FBXL13: variants seen among roughly 807,000 people sequenced by gnomAD.
FBXL13 encodes F-box and leucine rich repeat protein 13, also known as F-box and leucine-rich repeat protein 13.
FBXL13 carries 67 observed loss-of-function variants against 83.6 expected under a neutral mutation model. The observed-to-expected ratio is 0.80, with a 90% CI of 0.66 to 0.98. The LOEUF is 0.98. Among genes scored for constraint, FBXL13 ranks in the 50% least tolerant of loss-of-function variants. FBXL13 has a pLI of 0.00. For synonymous variants in FBXL13, 272 were observed against 299.5 expected, an observed-to-expected ratio of 0.91 and a Z score of 0.95; for missense variants, 822 against 866.5, an observed-to-expected ratio of 0.95 and a Z score of 0.64.
At chr7:102,823,571 T>C (rs1215374031) in intron 18 of FBXL13, among the ~76,000 whole-genome samples, 1 of 152,234 alleles carries the variant, frequency 6.6e-6, no homozygotes, top group East Asian at 1.9e-4. Context: ...GTATACTACT[T>C]AGAGTATTTC....
intron 17 of FBXL13, among the ~76,000 whole-genome samples, chr7:102,839,799 G>A (rs1403084269): frequency 6.6e-6 from 1 of 151,928 alleles, no homozygotes; most frequent in African/African-American, 2.4e-5. Flanking sequence ...AATGTACTTT[G>A]TAAATTATAT....
chr7:102,839,492 G>A (rs568119485), intron 17 of FBXL13, among the ~76,000 whole-genome samples: 2 of 152,224 alleles, frequency 1.3e-5, no homozygotes, highest in African/African-American at 4.8e-5. Context: ...GGTGTGGAGG[G>A]GCTGGCCCCC....
intron 1 of FBXL13, among the ~76,000 whole-genome samples, chr7:103,066,396 CTT>C (rs769413596): frequency 7.0e-5 from 10 of 143,556 alleles, no homozygotes; most frequent in Non-Finnish European, 7.7e-5. Flanking sequence ...AATGTAATTT[CTT>C]TTTTTTTTTT....
intron 6 of FBXL13, among the ~76,000 whole-genome samples, chr7:103,016,071 A>C (rs1294496030): frequency 3.3e-5 from 5 of 152,202 alleles, no homozygotes; most frequent in African/African-American, 9.7e-5. Flanking sequence ...ATATTGTTAA[A>C]ATGGCCATAC....
At chr7:102,974,752 C>T (rs1039793950) in intron 6 of FBXL13, among the ~76,000 whole-genome samples, 1 of 152,056 alleles carries the variant, frequency 6.6e-6, no homozygotes, top group East Asian at 1.9e-4. Context: ...TTCCTCTCAG[C>T]CCCTGCCTCT....
rs142073273 is a variant in FBXL13 at position 103,033,506 on chromosome 7, C to T, written c.1-4088G>A. 4.1e-4 allele frequency among the ~76,000 whole-genome samples: 63 copies of T among 152,244 alleles called. 1 individual carries two copies. Among genetic ancestry groups the T allele is most frequent in the African/African-American group, 1.3e-3 (55 of 41,548 alleles). ...GTTCCTTCTGATGTTCGGATGTGTT[C>T]GGAGTTTCTTCCTTCTGGTGGATTC... is the stretch of plus-strand genomic sequence containing the variant. On this transcript the variant is annotated intron_variant, in intron 2 of 19. Transcript: ENST00000313221.
Position 102,876,475 on chromosome 7 carries a change from C to A in FBXL13, c.1635+992G>T, listed in dbSNP as rs574103683. Among the ~76,000 whole-genome samples, 4 of 152,208 alleles carry A rather than the reference C, an allele frequency of 2.6e-5. No homozygotes were observed. The East Asian group carries it at 5.8e-4, about 22-fold the overall frequency. On this transcript the variant is annotated intron_variant, in intron 16 of 19. Transcript: ENST00000313221. ...GCAGAAAGGAGGCTGAATCCAAGTT[C>A]ATTCATAGATAAAGAAAGGAAAGAA...
At chr7:102,938,858 G>T (rs997863150) in intron 8 of FBXL13, among the ~76,000 whole-genome samples, 3 of 152,092 alleles carry the variant, frequency 2.0e-5, no homozygotes, top group African/African-American at 7.2e-5. Context: ...GCATTTCCTG[G>T]TATTACTTGT....
chr7:103,063,104 A>G (rs895725141), intron 1 of FBXL13, among the ~76,000 whole-genome samples: 1 of 152,202 alleles, frequency 6.6e-6, no homozygotes, highest in Non-Finnish European at 1.5e-5. Flanking sequence ...AAGAGCCCAC[A>G]AAGACTTTTG....
At chr7:102,947,618 C>T (rs1270094016) in intron 8 of FBXL13, among the ~76,000 whole-genome samples, 1 of 152,136 alleles carries the variant, frequency 6.6e-6, no homozygotes, top group Non-Finnish European at 1.5e-5. Context: ...CAATTTCTTA[C>T]TTTATAGTTA....
At chr7:102,968,210 C>T (rs762773749) in intron 6 of FBXL13, 93 bp from the exon 8 acceptor site, 59 of 726,724 alleles carry the variant, frequency 8.1e-5, no homozygotes, top group East Asian at 3.4e-4. Context: ...CACACATGTG[C>T]GTGCACACAC....
At chr7:102,916,007 G>C (rs973196484) in intron 10 of FBXL13, among the ~76,000 whole-genome samples, 5 of 149,806 alleles carry the variant, frequency 3.3e-5, no homozygotes, top group African/African-American at 4.9e-5. Flanking sequence ...TGTTTGAGAC[G>C]GAGTCTCACT....
intron 1 of FBXL13, 25 bp from the exon 2 acceptor site, chr7:103,055,772 T>C: frequency 9.5e-7 from 1 of 1,054,946 alleles, no homozygotes; most frequent in Non-Finnish European, 1.3e-6. Flanking sequence ...GGAAATGGCA[T>C]CAATGTTTCT....
At chr7:103,016,020 C>T (rs958082617) in intron 6 of FBXL13, among the ~76,000 whole-genome samples, 1 of 151,980 alleles carries the variant, frequency 6.6e-6, no homozygotes, top group Non-Finnish European at 1.5e-5. Context: ...ATGACACAAA[C>T]AAATGGATAA....
chr7:102,994,506 C>T (rs1278172777), intron 6 of FBXL13, among the ~76,000 whole-genome samples: 1 of 151,566 alleles, frequency 6.6e-6, no homozygotes, highest in Non-Finnish European at 1.5e-5. Flanking sequence ...TTGTAGTTGT[C>T]TGACTTTGGG....
chr7:102,902,904 T>C (rs532671194), intron 11 of FBXL13, among the ~76,000 whole-genome samples: 6 of 152,204 alleles, frequency 3.9e-5, no homozygotes, highest in South Asian at 4.1e-4. Context: ...TTGGCTATTC[T>C]GGGTCTTTAG....
Position 103,014,921 on chromosome 7 carries a change from CAAAAAAAAAAAAAAA to C in FBXL13, c.495+10127_495+10141del, listed in dbSNP as rs1166056647. ...CCTGGGCGACAGGGAGACTCCGTCTCAAAAAAAAAAAAAAAAAAAAAAAAAAGAAAATACTAGCAA... is the reference window on the plus strand; with the variant it reads ...CCTGGGCGACAGGGAGACTCCGTCTCAAAAAAAAAAAGAAAATACTAGCAA... On this transcript the variant is annotated intron_variant, in intron 6 of 19. Coordinates refer to ENST00000313221, the Ensembl canonical transcript of FBXL13. Among the ~76,000 whole-genome samples the C allele has an allele frequency of 1.8e-3, 38 of 20,614 alleles. 1 individual carries two copies. Among genetic ancestry groups the C allele is most frequent in the Non-Finnish European group, 9.1e-4 (7 of 7,726 alleles). The allele number at this position is 20,614 out of a possible 152,430, so 13.5% of individuals were successfully genotyped here. A position where few individuals can be genotyped will look rare whatever the true frequency, so the allele number is the denominator to read the frequency against.
chr7:103,010,267 G>C (rs1184032608), intron 6 of FBXL13, among the ~76,000 whole-genome samples: 1 of 151,998 alleles, frequency 6.6e-6, no homozygotes, highest in Admixed American at 6.5e-5. Context: ...ACTCCTATGT[G>C]AACTTAGCTA....
chr7:102,931,513 CAT>C (rs1819167543), intron 9 of FBXL13, among the ~76,000 whole-genome samples: 4 of 152,074 alleles, frequency 2.6e-5, no homozygotes, highest in Admixed American at 1.3e-4. Context: ...ACTAGGGAAA[CAT>C]ATTCATTTCC....
Sources: gnomAD v4.1 joint callset for allele counts (sites outside exome capture counted in the v4.1 genomes callset) on GRCh38, gnomAD v4.1.1 for gene constraint, MANE v1.5 for transcripts, NCBI Gene and HGNC (gene_info 2026-07-23, HGNC 2026-07-21) for gene names.